The following GPN1 variants were observed in gnomAD, a reference collection of about 807,000 sequenced individuals.
GPN1 encodes the protein GPN-loop GTPase 1.
In GPN1, 44 loss-of-function variants were observed where a neutral mutation model predicts 55.9. The observed-to-expected ratio is 0.79, with a 90% CI of 0.62 to 1.01. GPN1 has a LOEUF of 1.01. GPN1 is among the 50% of genes least tolerant of loss of function. The pLI, the probability that GPN1 is intolerant of heterozygous loss-of-function variation, is 0.00. For synonymous variants in GPN1, 179 were observed against 162.5 expected (o/e 1.10, Z -0.77); for missense variants, 466 against 462.8 (o/e 1.01, Z -0.06).
chr2:27,649,447 T>C (rs1047360667), intron 13 of GPN1, among the ~76,000 whole-genome samples: 2 of 105,540 alleles, frequency 1.9e-5, no homozygotes, highest in Admixed American at 9.6e-5. Flanking sequence ...CTTTAATAAA[T>C]ATATACTTTC....
chr2:27,635,362 G>C, intron 7 of GPN1, 128 bp downstream of exon 7: 1 of 592,958 alleles, frequency 1.7e-6, no homozygotes, highest in Non-Finnish European at 2.9e-6. Context: ...CAGATTTGCT[G>C]TTCAGTTGAG....
chr2:27,630,004 A>G, intron 2 of GPN1, 52 bp downstream of exon 2: 10 of 1,044,478 alleles, frequency 9.6e-6, no homozygotes, highest in African/African-American at 1.6e-5. Context: ...GAGAATGGAA[A>G]AGGCCAGGCG....
Position 27,650,020 on chromosome 2 carries a change from GAAGTA to G in GPN1, c.1040-93_1040-89del, listed in dbSNP as rs1226226077. 8.3e-6 allele frequency: 6 copies of G among 722,280 alleles called. No homozygotes were observed. The East Asian group carries it at 1.5e-4, about 19-fold the overall frequency. The allele number at this position is 722,280 out of a possible 1,614,324, so 44.7% of individuals were successfully genotyped here. On this transcript the variant is annotated intron_variant, in intron 13 of 13. Coordinates refer to ENST00000610189, the MANE Select transcript of GPN1 (RefSeq NM_007266.4). The stretch of plus-strand genomic sequence containing the variant: ...GGGAAGTGAGTACTTAAGTTTCTTA[GAAGTA>G]ATGTACTGTTTTCTGATGGATGGGT...
intron 13 of GPN1, among the ~76,000 whole-genome samples, 182 bp from the exon 14 acceptor site, chr2:27,649,933 T>A (rs539575208): frequency 6.6e-6 from 1 of 152,350 alleles, no homozygotes; most frequent in South Asian, 2.1e-4. Flanking sequence ...TTTCTACTTA[T>A]AAAGAAACTA....
At chr2:27,628,559 G>T, upstream of GPN1, 2 of 1,551,540 alleles carry the variant, frequency 1.3e-6, no homozygotes, top group Non-Finnish European at 1.7e-6. Flanking sequence ...TGCTCAAAGG[G>T]TCTCGGTGCT....
intron 10 of GPN1, among the ~76,000 whole-genome samples, chr2:27,640,652 C>T (rs1673907729): frequency 6.6e-6 from 1 of 152,192 alleles, no homozygotes; most frequent in East Asian, 1.9e-4. Context: ...ATTGTTAATA[C>T]TGGAATTCAA....
Position 27,629,066 on chromosome 2 carries a change from C to T in GPN1, c.8C>T (p.Ala3Val), listed in dbSNP as rs527898503. 2.2e-5 allele frequency: 35 copies of T among 1,614,182 alleles called. 1 individual carries two copies. Among genetic ancestry groups the T allele is most frequent in the South Asian group, 1.1e-4 (10 of 91,082 alleles). ...GGTGGGGCCAGGAGGAAGATGGCGG[C>T]GTCCGCAGCTGCCGCTGAGCTCCAG... MA[A>V]SAAAAELQAS... The change falls in exon 1 of 14, where the codon GCG (alanine) becomes GTG (valine). Residue 3 changes from alanine (A) to valine (V), a missense_variant. Physicochemically the swap from Ala to Val is moderately conservative, Grantham distance 64. Coordinates refer to ENST00000610189, the MANE Select transcript of GPN1 (RefSeq NM_007266.4).
At chr2:27,649,089 C>CA (rs1184367085) in intron 13 of GPN1, among the ~76,000 whole-genome samples, 2 of 151,648 alleles carry the variant, frequency 1.3e-5, no homozygotes, top group Non-Finnish European at 2.9e-5. Context: ...ACTACAAGTA[C>CA]AAAAAATTAG....
chr2:27,632,700 A>C, intron 5 of GPN1, 30 bp downstream of exon 5: 2 of 1,426,764 alleles, frequency 1.4e-6, no homozygotes, highest in South Asian at 2.3e-5. Context: ...CCCATTTATT[A>C]CTCTGTAGCT....
chr2:27,635,102 G>A, intron 6 of GPN1, 38 bp from the exon 7 acceptor site: 1 of 1,220,848 alleles, frequency 8.2e-7, no homozygotes, highest in Non-Finnish European at 1.2e-6. Flanking sequence ...CAGATCGTGA[G>A]CCCTCTGACC....
chr2:27,638,513 T>C (rs565970555), intron 8 of GPN1, among the ~76,000 whole-genome samples: 21 of 152,312 alleles, frequency 1.4e-4, no homozygotes, highest in African/African-American at 5.1e-4. Flanking sequence ...AGAGTCAAGA[T>C]TGTGTAATTA....
At position 27,640,380 on chromosome 2, in the gene GPN1, A is replaced by G. The variant is rs367762799; in HGVS notation, c.800+255A>G. ...TCATCAGACTTTTCTGTAAAGAGCT[A>G]AACAGTAGGTAGCTCAGGCTTTGTG... On this transcript the variant is annotated intron_variant, in intron 10 of 13. Transcript: ENST00000610189. Among the ~76,000 whole-genome samples, 36 of 152,328 alleles carry G rather than the reference A, an allele frequency of 2.4e-4. No individual in the cohort carries two copies. In the East Asian group the frequency reaches 5.6e-3, roughly 24 times the overall value.
At position 27,643,704 on chromosome 2, in the gene GPN1, C is replaced by G. The variant is rs189036608; in HGVS notation, c.931+1185C>G. On this transcript the variant is annotated intron_variant, in intron 12 of 13. Transcript: ENST00000610189. The surrounding 1 kb of genome is among the most constrained non-coding windows in gnomAD (Gnocchi z 4.0). ...CATGTAGGATAGTTATTTTATAGAG[C>G]ATCCTTCAGTTTAGGTTTGTCTCAT... Among the ~76,000 whole-genome samples the G allele has an allele frequency of 9.3e-4, 142 of 152,232 alleles. No homozygotes were observed. The highest frequency in any genetic ancestry group is 3.2e-3 in the African/African-American group (131 of 41,542).
Position 27,650,187 on chromosome 2 carries a change from GAAAC to G in GPN1, c.1115_1118del (p.Asn372IlefsTer6), listed in dbSNP as rs751449715. The G allele has an allele frequency of 6.3e-7, 1 of 1,590,496 alleles. No individual in the cohort carries two copies. Among genetic ancestry groups the G allele is most frequent in the African/African-American group, 1.3e-5 (1 of 74,438 alleles). On this transcript the variant is annotated frameshift_variant, in exon 14 of 14. Transcript: ENST00000610189. LOFTEE classifies it high-confidence loss of function. ...GAATCGATGGCACAATACTGGAAGA[GAAAC>G]AATAAATAGGAGACTTTAGCACACT...
rs1674461058 is a variant in GPN1 at position 27,650,199 on chromosome 2, AG to A, written c.*1del. 1.3e-6 allele frequency: 2 copies of A among 1,556,058 alleles called. No individual in the cohort carries two copies. Among genetic ancestry groups the A allele is most frequent in the Non-Finnish European group, 1.8e-6 (2 of 1,127,548 alleles). ...MAQYWKRNNK[*>X] is the part of the protein sequence containing the mutation. ...CAATACTGGAAGAGAAACAATAAAT[AG>A]GAGACTTTAGCACACTTCACTTGTT... On this transcript the variant is annotated frameshift_variant and stop_lost, in exon 14 of 14. Coordinates refer to ENST00000610189, the MANE Select transcript of GPN1 (RefSeq NM_007266.4). LOFTEE classifies it high-confidence loss of function.
upstream of GPN1, chr2:27,629,036 G>A (rs772742130): frequency 1.2e-6 from 2 of 1,614,026 alleles, no homozygotes; most frequent in Admixed American, 3.3e-5. Context: ...CTCTATGGTC[G>A]GGTGGGTGGG....
intron 12 of GPN1, among the ~76,000 whole-genome samples, chr2:27,646,115 C>G (rs570282634): frequency 6.6e-6 from 1 of 152,152 alleles, no homozygotes; most frequent in Non-Finnish European, 1.5e-5. Context: ...GATCTCGGCT[C>G]ACTGCAACCT....
chr2:27,633,953 T>G (rs1673640376), intron 5 of GPN1, among the ~76,000 whole-genome samples: 1 of 151,286 alleles, frequency 6.6e-6, no homozygotes, highest in African/African-American at 2.4e-5. Context: ...TCATTACCAA[T>G]CACTCCTTAT....
intron 12 of GPN1, among the ~76,000 whole-genome samples, chr2:27,645,272 A>T (rs1332359549): frequency 6.7e-6 from 1 of 148,374 alleles, no homozygotes; most frequent in African/African-American, 2.5e-5. Flanking sequence ...TCCCCAGCCC[A>T]TTTTTTTTTT....
Sources: allele counts gnomAD v4.1 joint callset (sites outside exome capture counted in the v4.1 genomes callset), GRCh38; gene constraint gnomAD v4.1.1; non-coding constraint Gnocchi (gnomAD v3.1); transcripts MANE v1.5; gene names NCBI Gene and HGNC (gene_info 2026-07-23, HGNC 2026-07-21).